NLGN1: variants seen among roughly 807,000 people sequenced by gnomAD.
NLGN1 encodes the protein neuroligin 1.
In NLGN1, 12 loss-of-function variants were observed where a neutral mutation model predicts 65.5. The ratio of observed to expected loss-of-function variants is 0.18; its 90% CI spans 0.12 to 0.30. NLGN1 has a LOEUF of 0.30. Ranked by LOEUF, NLGN1 falls within the 10% of genes least tolerant of loss-of-function variation. The pLI, the probability that NLGN1 is intolerant of heterozygous loss-of-function variation, is 1.00. For synonymous variants in NLGN1, 350 were observed against 359.5 expected, an observed-to-expected ratio of 0.97 and a Z score of 0.30; for missense variants, 750 against 1,007.1, an observed-to-expected ratio of 0.74 and a Z score of 3.46.
At chr3:174,284,576 A>G (rs984627876) in exon 7 of NLGN1, 1 of 151,418 alleles carries the variant, frequency 6.6e-6, no homozygotes, top group Admixed American at 6.6e-5. Flanking sequence ...TTGCTGTTAT[A>G]TAAAATTTTT....
intron 4 of NLGN1, among the ~76,000 whole-genome samples, chr3:173,822,883 T>A (rs1720592010): frequency 6.6e-6 from 1 of 152,048 alleles, no homozygotes; most frequent in Admixed American, 6.5e-5. Context: ...ATATTGTCCC[T>A]TTTTTTCTTT....
intron 4 of NLGN1, chr3:173,914,839 C>G (rs1478862221): frequency 6.6e-6 from 1 of 152,136 alleles, no homozygotes; most frequent in Admixed American, 6.5e-5. Flanking sequence ...AAATCAATAA[C>G]TGTTACAAGA....
intron 4 of NLGN1, among the ~76,000 whole-genome samples, chr3:174,231,138 T>A (rs906209016): frequency 6.6e-6 from 1 of 152,164 alleles, no homozygotes; most frequent in Non-Finnish European, 1.5e-5. Context: ...TTAAGTCAGA[T>A]CTCTTTCACC....
intron 3 of NLGN1, among the ~76,000 whole-genome samples, chr3:173,760,156 T>C (rs1777757625): frequency 6.6e-6 from 1 of 152,032 alleles, no homozygotes; most frequent in South Asian, 2.1e-4. Context: ...TTCTGTCGTC[T>C]TGCTCTGGGG....
intron 2 of NLGN1, among the ~76,000 whole-genome samples, chr3:173,576,937 A>G (rs546956341): frequency 6.6e-6 from 1 of 152,196 alleles, no homozygotes; most frequent in Non-Finnish European, 1.5e-5. Flanking sequence ...CCAAAAAACA[A>G]TCATAAGAAA....
At chr3:174,207,248 T>C (rs1400845174) in intron 4 of NLGN1, among the ~76,000 whole-genome samples, 2 of 150,498 alleles carry the variant, frequency 1.3e-5, no homozygotes, top group African/African-American at 2.4e-5. Context: ...AAGTGCAATA[T>C]TGAGTAAAGA....
chr3:173,809,617 T>C (rs1717449631), intron 4 of NLGN1, among the ~76,000 whole-genome samples: 1 of 152,218 alleles, frequency 6.6e-6, no homozygotes, highest in Non-Finnish European at 1.5e-5. Context: ...CTTTCTGTTA[T>C]TGGTTCTGTT....
intron 3 of NLGN1, among the ~76,000 whole-genome samples, chr3:173,667,157 C>G: frequency 6.6e-6 from 1 of 151,444 alleles, no homozygotes; most frequent in East Asian, 1.9e-4. Flanking sequence ...TGTGATGTAA[C>G]ATTATTTGTT....
At chr3:173,839,515 C>T (rs540288558) in intron 4 of NLGN1, among the ~76,000 whole-genome samples, 47 of 151,920 alleles carry the variant, frequency 3.1e-4, no homozygotes, top group African/African-American at 9.9e-4. Flanking sequence ...CTCTGCCTCC[C>T]GGATTCAAGC....
chr3:173,604,515 T>C, exon 3 of NLGN1: 1 of 1,446,568 alleles, frequency 6.9e-7, no homozygotes, highest in Non-Finnish European at 9.4e-7. Flanking sequence ...GGAGGTATAT[T>C]CTACCATTAT....
chr3:174,033,761 T>A (rs987927537), intron 4 of NLGN1, among the ~76,000 whole-genome samples: 2 of 151,880 alleles, frequency 1.3e-5, no homozygotes, highest in African/African-American at 4.8e-5. Flanking sequence ...AAAACTGAAA[T>A]GCAAAGAGAA....
chr3:174,265,781 A>ATATGTG (rs540243032), intron 4 of NLGN1, among the ~76,000 whole-genome samples: 2 of 134,728 alleles, frequency 1.5e-5, no homozygotes, highest in African/African-American at 2.7e-5. Context: ...ATATATATAT[A>ATATGTG]TGTATATATA....
chr3:173,503,459 G>T (rs1306809893), intron 2 of NLGN1, among the ~76,000 whole-genome samples: 1 of 152,014 alleles, frequency 6.6e-6, no homozygotes, highest in Non-Finnish European at 1.5e-5. Flanking sequence ...ATGTGCAAAC[G>T]CTTATTCTTG....
At chr3:174,119,754 C>T (rs1402067717) in intron 4 of NLGN1, among the ~76,000 whole-genome samples, 1 of 152,186 alleles carries the variant, frequency 6.6e-6, no homozygotes, top group Non-Finnish European at 1.5e-5. Context: ...ATCAGAATTT[C>T]CCAACTAACT....
chr3:173,676,636 T>A (rs536049382), intron 3 of NLGN1, among the ~76,000 whole-genome samples: 214 of 152,260 alleles, frequency 1.4e-3, no homozygotes, highest in African/African-American at 5.0e-3. Context: ...TTAAATTTAT[T>A]TTAAATATAT....
At chr3:173,845,883 A>G (rs1222418711) in intron 4 of NLGN1, among the ~76,000 whole-genome samples, 2 of 152,102 alleles carry the variant, frequency 1.3e-5, no homozygotes, top group African/African-American at 2.4e-5. Flanking sequence ...TTTCGATATC[A>G]TAGTATTCAG....
intron 4 of NLGN1, among the ~76,000 whole-genome samples, chr3:174,242,930 G>A (rs1466935612): frequency 2.6e-5 from 4 of 152,034 alleles, no homozygotes; most frequent in African/African-American, 7.2e-5. Context: ...ATGAAATCCA[G>A]CATGATAAAC....
rs1047540586 is a variant in NLGN1, at chr3:173,512,731, C to T, written c.-321+77653C>T. On this transcript the variant is annotated intron_variant, in intron 2 of 6. Transcript: ENST00000457714. ...TCAAAGGTGGGGATTTGCCAGGGAC[C>T]AACCCCTGTCTGCCTAGAGTTTCTC... is the stretch of plus-strand genomic sequence containing the variant. 6.6e-5 allele frequency among the ~76,000 whole-genome samples: 10 copies of T among 152,260 alleles called. No individual in the cohort carries two copies. In the East Asian group the frequency reaches 1.7e-3, roughly 26 times the overall value.
chr3:173,683,129 C>T (rs1502467), intron 3 of NLGN1, among the ~76,000 whole-genome samples: 15,722 of 152,134 alleles, frequency 0.1, 845 homozygotes, highest in Middle Eastern at 0.25. Context: ...TATTAAAATG[C>T]AGCTGGCATG....
Sources: gnomAD v4.1 joint callset for allele counts (sites outside exome capture counted in the v4.1 genomes callset) on GRCh38, gnomAD v4.1.1 for gene constraint, MANE v1.5 for transcripts, NCBI Gene and HGNC (gene_info 2026-07-23, HGNC 2026-07-21) for gene names.